TSHZ2: variants seen among roughly 807,000 people sequenced by gnomAD.
TSHZ2 encodes teashirt homolog 2.
Under a neutral mutation model 74.4 loss-of-function variants are expected in TSHZ2, and 21 were observed. The ratio of observed to expected loss-of-function variants is 0.28; its 90% CI spans 0.20 to 0.41. The LOEUF (loss-of-function observed/expected upper bound fraction) is 0.41, where lower values mean the gene tolerates loss of function less well. TSHZ2 is among the 10% of genes least tolerant of loss of function. The pLI, the probability that TSHZ2 is intolerant of heterozygous loss-of-function variation, is 1.00. For missense variants in TSHZ2, 1,244 were observed against 1,293.5 expected (o/e 0.96, Z 0.59); for synonymous variants, 540 against 515.3 (o/e 1.05, Z -0.65).
intron 1 of TSHZ2, among the ~76,000 whole-genome samples, chr20:53,078,112 TATCA>T (rs1288187192): frequency 6.6e-6 from 1 of 152,276 alleles, no homozygotes; most frequent in Non-Finnish European, 1.5e-5. Flanking sequence ...GAAGAGCTTC[TATCA>T]ATCACGAATC....
chr20:53,069,525 G>A (rs1285320557), intron 1 of TSHZ2, among the ~76,000 whole-genome samples: 1 of 151,890 alleles, frequency 6.6e-6, no homozygotes, highest in Non-Finnish European at 1.5e-5. Context: ...ATCTAAATCC[G>A]AGTGACAAAC....
At chr20:53,434,764 C>T (rs1983981277) in intron 2 of TSHZ2, among the ~76,000 whole-genome samples, 1 of 152,228 alleles carries the variant, frequency 6.6e-6, no homozygotes, top group Admixed American at 6.5e-5. Flanking sequence ...TGAGGTCTCT[C>T]AGGGTCTGCT....
intron 1 of TSHZ2, among the ~76,000 whole-genome samples, chr20:53,056,686 T>C (rs1405942211): frequency 6.6e-6 from 1 of 152,220 alleles, no homozygotes; most frequent in Non-Finnish European, 1.5e-5. Flanking sequence ...TACCATCCTG[T>C]GTTCTTGTCA....
rs541379488 is a variant in TSHZ2, at chr20:53,102,506, G to T, written c.40+129173G>T. ...GAGAGGAGGGGAGAGGAAGGAAGAA[G>T]AGGGGAGGGGAGGAAAAAGGAATAC... is the stretch of plus-strand genomic sequence containing the variant. On this transcript the variant is annotated intron_variant, in intron 1 of 2. Coordinates refer to ENST00000371497, the MANE Select transcript of TSHZ2 (RefSeq NM_173485.6). Among the ~76,000 whole-genome samples, 5 of 151,156 alleles carry T rather than the reference G, an allele frequency of 3.3e-5. No homozygotes were observed. In the East Asian group the frequency reaches 9.8e-4, roughly 29 times the overall value.
At chr20:53,032,904 G>C (rs1983689482) in intron 1 of TSHZ2, among the ~76,000 whole-genome samples, 1 of 152,104 alleles carries the variant, frequency 6.6e-6, no homozygotes, top group Non-Finnish European at 1.5e-5. Flanking sequence ...TCTGCAACTT[G>C]CCTTGCTCTG....
chr20:53,308,190 T>C (rs947379079), intron 2 of TSHZ2, among the ~76,000 whole-genome samples: 34 of 152,190 alleles, frequency 2.2e-4, no homozygotes, highest in Non-Finnish European at 1.5e-5. Flanking sequence ...TCATGTTTGG[T>C]CTCCAGTTAG....
intron 1 of TSHZ2, chr20:53,168,830 A>G (rs1988122546): frequency 6.6e-6 from 1 of 152,206 alleles, no homozygotes; most frequent in Non-Finnish European, 1.5e-5. Context: ...ATTGGCCAGA[A>G]ACTGGGAAGA....
At chr20:53,200,615 C>T (rs1260418036) in intron 1 of TSHZ2, among the ~76,000 whole-genome samples, 5 of 152,098 alleles carry the variant, frequency 3.3e-5, no homozygotes, top group Admixed American at 2.6e-4. Context: ...TTCTTACAGT[C>T]CTTCTTGCTG....
chr20:53,466,453 C>T (rs1051720705), intron 2 of TSHZ2, among the ~76,000 whole-genome samples: 1 of 152,150 alleles, frequency 6.6e-6, no homozygotes, highest in Non-Finnish European at 1.5e-5. Context: ...ATTGGCTCTG[C>T]ACTCCACTTA....
At chr20:53,311,331 C>T (rs2145501323) in intron 2 of TSHZ2, among the ~76,000 whole-genome samples, 1 of 152,326 alleles carries the variant, frequency 6.6e-6, no homozygotes, top group Non-Finnish European at 1.5e-5. Context: ...CATGTCTATA[C>T]CCAGAATCTG....
intron 1 of TSHZ2, among the ~76,000 whole-genome samples, chr20:53,034,983 A>AG: frequency 6.6e-6 from 1 of 152,328 alleles, no homozygotes; most frequent in South Asian, 2.1e-4. Flanking sequence ...GATAGCAGGA[A>AG]GGCAAGTAAG....
At chr20:52,981,988 A>T (rs893234187) in intron 1 of TSHZ2, among the ~76,000 whole-genome samples, 4 of 152,244 alleles carry the variant, frequency 2.6e-5, no homozygotes, top group Admixed American at 6.5e-5. Context: ...GAGAATATAC[A>T]AAGAAATTTA....
chr20:53,186,264 T>G (rs1278241389), intron 1 of TSHZ2, among the ~76,000 whole-genome samples: 7 of 152,236 alleles, frequency 4.6e-5, no homozygotes, highest in Non-Finnish European at 1.0e-4. Flanking sequence ...CATCAAATGT[T>G]TCAATTTAGG....
At chr20:53,303,613 C>T (rs1265783166) in intron 2 of TSHZ2, among the ~76,000 whole-genome samples, 1 of 152,136 alleles carries the variant, frequency 6.6e-6, no homozygotes, top group Non-Finnish European at 1.5e-5. Flanking sequence ...TCTGTGAGTT[C>T]CCAGAAATTG....
chr20:53,036,852 T>A (rs933591934), intron 1 of TSHZ2, among the ~76,000 whole-genome samples: 1 of 150,076 alleles, frequency 6.7e-6, no homozygotes, highest in African/African-American at 2.4e-5. Flanking sequence ...ATTATATATG[T>A]GTAGATAGAC....
intron 2 of TSHZ2, among the ~76,000 whole-genome samples, chr20:53,273,731 G>A (rs1451520788): frequency 6.6e-6 from 1 of 152,170 alleles, no homozygotes; most frequent in East Asian, 1.9e-4. Flanking sequence ...GAGGCGGTGA[G>A]CATGGGAAGG....
intron 2 of TSHZ2, among the ~76,000 whole-genome samples, chr20:53,429,865 A>G (rs1407088178): frequency 6.7e-6 from 1 of 150,264 alleles, no homozygotes; most frequent in South Asian, 2.1e-4. Flanking sequence ...CAGGTCTGGC[A>G]CTACTGACGT....
At chr20:53,073,353 C>T (rs1969710675) in intron 1 of TSHZ2, among the ~76,000 whole-genome samples, 1 of 150,376 alleles carries the variant, frequency 6.6e-6, no homozygotes, top group African/African-American at 2.4e-5. Flanking sequence ...TCCATTCCTT[C>T]ATCTGTCCCT....
chr20:53,441,317 G>C (rs1349121842), intron 2 of TSHZ2, among the ~76,000 whole-genome samples: 1 of 150,498 alleles, frequency 6.6e-6, no homozygotes, highest in Non-Finnish European at 1.5e-5. Context: ...CCAGGCTGGA[G>C]TGCAGTGGCA....
Sources: allele counts gnomAD v4.1 joint callset (sites outside exome capture counted in the v4.1 genomes callset), GRCh38; gene constraint gnomAD v4.1.1; transcripts MANE v1.5; gene names NCBI Gene and HGNC (gene_info 2026-07-23, HGNC 2026-07-21).